IGSF22: variants seen among roughly 807,000 people sequenced by gnomAD.
IGSF22 encodes immunoglobulin superfamily member 22.
A neutral mutation model predicts 127.0 loss-of-function variants in IGSF22; 119 were observed. That is an observed-to-expected ratio of 0.94 (90% CI 0.81 to 1.09). The LOEUF is 1.09. IGSF22 is among the 50% of genes least tolerant of loss of function. IGSF22 has a pLI of 0.00. For synonymous variants in IGSF22, 568 were observed against 664.7 expected (o/e 0.85, Z 2.24); for missense variants, 1,518 against 1,716.6 (o/e 0.88, Z 2.04).
In IGSF22 at chr11:18,719,726, A is replaced by G. The variant is rs781302033; in HGVS notation, c.686T>C (p.Val229Ala). ...CTGCAGGGTACTTACCTCCACCTCTACTTTCTTCTTCATCTCTTTGAGCTT... is the reference window on the plus strand; with the variant it reads ...CTGCAGGGTACTTACCTCCACCTCTGCTTTCTTCTTCATCTCTTTGAGCTT... ...LRKLKEMKKK[V>A]EVEAIRILKP... Residue 229 changes from valine to alanine, a missense_variant, in exon 7 of 23, where the codon GTA becomes GCA. Val to Ala is a moderately conservative substitution (Grantham distance 64). Around this residue, in one of 3 missense-constraint regions of IGSF22, gnomAD observed 1,456 missense variants for 1,644.9 expected, o/e 0.89. Transcript: ENST00000513874. The G allele has an allele frequency of 6.2e-6, 10 of 1,613,732 alleles. No homozygotes were observed. The highest frequency in any genetic ancestry group is 7.6e-6 in the Non-Finnish European group (9 of 1,179,964).
chr11:18,714,759 C>G, intron 11 of IGSF22, 135 bp from the exon 12 acceptor site: 1 of 1,194,988 alleles, frequency 8.4e-7, no homozygotes, highest in Non-Finnish European at 1.1e-6. Flanking sequence ...GATGAGCAGG[C>G]GGCTTGCCAA....
intron 11 of IGSF22, among the ~76,000 whole-genome samples, chr11:18,714,860 T>C (rs2134163973): frequency 6.6e-6 from 1 of 151,638 alleles, no homozygotes; most frequent in East Asian, 2.0e-4. Flanking sequence ...GCTTGGGAAA[T>C]GGTGACCAGG....
Position 18,707,820 on chromosome 11 carries a change from G to C in IGSF22, c.3264C>G (p.Ile1088Met). Residue 1088 changes from isoleucine (I) to methionine (M), a missense_variant, in exon 20 of 23, where the codon ATC becomes ATG. Physicochemically the swap from Ile to Met is conservative, Grantham distance 10. Around this residue, in one of 3 missense-constraint regions of IGSF22, gnomAD observed 1,456 missense variants for 1,644.9 expected, o/e 0.89. Coordinates refer to ENST00000513874, the MANE Select transcript of IGSF22 (RefSeq NM_173588.4). ...TCTCCATACCTGCCACGCGCACATG[G>C]ATGTCATAGCGTGCTTCTCCAAACT... ...QNEFGEARYD[I>M]HVRVADFPRP... is the part of the protein sequence containing the mutation. 1 of 1,599,028 alleles carries C rather than the reference G, an allele frequency of 6.3e-7. No individual in the cohort carries two copies. Among genetic ancestry groups the C allele is most frequent in the Non-Finnish European group, 8.5e-7 (1 of 1,172,312 alleles).
intron 1 of IGSF22, among the ~76,000 whole-genome samples, chr11:18,725,444 T>C (rs1166392144): frequency 6.7e-6 from 1 of 149,946 alleles, no homozygotes; most frequent in Non-Finnish European, 1.5e-5. Flanking sequence ...GCAGTTTTTT[T>C]GTTTTTGTTT....
At chr11:18,721,792 C>CCT in intron 3 of IGSF22, 118 bp downstream of exon 3, 2 of 1,585,968 alleles carry the variant, frequency 1.3e-6, no homozygotes, top group South Asian at 2.3e-5. Flanking sequence ...GGGGAGGAAC[C>CCT]CTCGGCCAGG....
rs761435351 is a variant in IGSF22 at position 18,714,137 on chromosome 11, T to C, written c.1810A>G (p.Ile604Val). The C allele has an allele frequency of 3.9e-5, 63 of 1,610,828 alleles. No homozygotes were observed. Among genetic ancestry groups the C allele is most frequent in the Non-Finnish European group, 4.9e-5 (58 of 1,177,608 alleles). Residue 604 changes from isoleucine to valine, a missense_variant, in exon 14 of 23, where the codon ATC becomes GTC. By Grantham distance (29) the Ile-to-Val change is conservative. Coordinates refer to ENST00000513874, the MANE Select transcript of IGSF22 (RefSeq NM_173588.4). ...AGTGCCTCCAGTACTGACGGGTCGA[T>C]GGTAGGAGGATCTGTGGGGCGGGGC... ...ASVFIADPPT[I>V]DPSVLEALAA...
rs1356400381 is a variant in IGSF22, at chr11:18,707,115, C to T, written c.3379G>A (p.Glu1127Lys). 2 of 1,551,572 alleles carry T rather than the reference C, an allele frequency of 1.3e-6. No homozygotes were observed. The highest frequency in any genetic ancestry group is 2.4e-5 in the East Asian group (1 of 40,934). Reference sequence around the variant, plus strand: ...CGCTTCATGATGATGTAGTGAGCCTCACCGTCCTCCTGCACATCTGGGCTG... The same window carrying T: ...CGCTTCATGATGATGTAGTGAGCCTTACCGTCCTCCTGCACATCTGGGCTG... Reference protein sequence around the residue: ...NHSPDVQEDGEAHYIIMKRDA... With the variant: ...NHSPDVQEDGKAHYIIMKRDA... The change falls in exon 21 of 23, where the codon GAG becomes AAG. Residue 1127 changes from glutamate to lysine, a missense_variant. Around this residue, in one of 3 missense-constraint regions of IGSF22, gnomAD observed 1,456 missense variants for 1,644.9 expected, o/e 0.89. Transcript: ENST00000513874.
In IGSF22 at chr11:18,720,102, A is replaced by C; in HGVS notation, c.480T>G (p.Gly160=). Reference sequence around the variant, plus strand: ...TCTTTTTGAAGTCCATTTTCTCTTGACCTGAGGATAGACAGAGGGACAGGT... The same window carrying C: ...TCTTTTTGAAGTCCATTTTCTCTTGCCCTGAGGATAGACAGAGGGACAGGT... The part of the protein sequence containing the change: ...IYTVSLLVTE[G]QEKMDFKKML... Residue 160 remains glycine, a splice_region_variant and synonymous_variant, in exon 6 of 23, where the codon GGT becomes GGG. Coordinates refer to ENST00000513874, the MANE Select transcript of IGSF22 (RefSeq NM_173588.4). 6.2e-7 allele frequency: 1 copy of C among 1,614,072 alleles called. No homozygotes were observed.
At chr11:18,721,734 C>T (rs1242841407) in intron 3 of IGSF22, 63 bp from the exon 4 acceptor site, 1 of 1,604,924 alleles carries the variant, frequency 6.2e-7, no homozygotes, top group African/African-American at 1.3e-5. Flanking sequence ...CTGCCACCCT[C>T]TGCCGGCTCT....
rs1564873600 is a variant in IGSF22, at chr11:18,716,877, T to G, written c.1097A>C (p.Glu366Ala). The stretch of plus-strand genomic sequence containing the variant: ...TTCATACTTGTCATCCCTCTTCAGC[T>G]CCTTCCCATTGAACTTCCACACAAA... ...PNFVWKFNGK[E>A]LKRDDKYEIT... The change falls in exon 10 of 23, where the codon GAG becomes GCG. Residue 366 changes from glutamate to alanine, a missense_variant. This residue lies in a region of IGSF22 where 1,456 missense variants were observed against 1,644.9 expected (regional missense o/e 0.89). Coordinates refer to ENST00000513874, the MANE Select transcript of IGSF22 (RefSeq NM_173588.4). This position sits in a 1 kb window ranked among gnomAD's most constrained non-coding sequence, Gnocchi z 4.5. 1 of 1,614,198 alleles carries G rather than the reference T, an allele frequency of 6.2e-7. No homozygotes were observed. Among genetic ancestry groups the G allele is most frequent in the Non-Finnish European group, 8.5e-7 (1 of 1,180,040 alleles).
chr11:18,723,468 ACT>A (rs1457728892), intron 2 of IGSF22, among the ~76,000 whole-genome samples: 2 of 152,062 alleles, frequency 1.3e-5, no homozygotes, highest in Non-Finnish European at 2.9e-5. Flanking sequence ...ACTTTGAGGG[ACT>A]CTATCCCTTT....
intron 12 of IGSF22, 38 bp downstream of exon 12, chr11:18,714,462 T>A (rs1322119921): frequency 6.2e-7 from 1 of 1,614,188 alleles, no homozygotes; most frequent in Admixed American, 1.7e-5. Context: ...AGGCCAGGTC[T>A]ACCTCCTTCA....
At chr11:18,712,790 T>C (rs924867510) in intron 14 of IGSF22, among the ~76,000 whole-genome samples, 1 of 152,208 alleles carries the variant, frequency 6.6e-6, no homozygotes, top group Admixed American at 6.5e-5. Flanking sequence ...ATACTTCATC[T>C]CTGTGTACAC....
Position 18,704,509 on chromosome 11 carries a change from T to C in IGSF22, c.3940A>G (p.Ile1314Val), listed in dbSNP as rs1051077937. ...GATTTCTTCTGCAGACTCTCGGTGA[T>C]GGATGCTACAACTGACTTATCATCT... is the stretch of plus-strand genomic sequence containing the variant. ...DKDDKSVVASITESLQKKSKH... is the reference protein window; with the variant it reads ...DKDDKSVVASVTESLQKKSKH... The change falls in exon 23 of 23, where the codon ATC (isoleucine) becomes GTC (valine). Residue 1314 changes from isoleucine to valine, a missense_variant. Transcript: ENST00000513874. 2 of 1,550,732 alleles carry C rather than the reference T, an allele frequency of 1.3e-6. No individual in the cohort carries two copies. The highest frequency in any genetic ancestry group is 1.7e-6 in the Non-Finnish European group (2 of 1,146,492).
chr11:18,707,350 A>G, intron 20 of IGSF22, 137 bp from the exon 21 acceptor site: 2 of 768,792 alleles, frequency 2.6e-6, no homozygotes, highest in Non-Finnish European at 4.0e-6. Flanking sequence ...TCGGAAAACT[A>G]TTTCTGAAGT....
At chr11:18,718,147 C>T (rs771026689) in intron 8 of IGSF22, 54 bp from the exon 9 acceptor site, 1 of 1,562,138 alleles carries the variant, frequency 6.4e-7, no homozygotes, top group Non-Finnish European at 8.7e-7. Context: ...AGGAAGCTTC[C>T]AGAGGTCTCC....
intron 1 of IGSF22, 103 bp from the exon 2 acceptor site, chr11:18,724,372 G>C (rs1848619805): frequency 1.6e-6 from 1 of 624,400 alleles, no homozygotes; most frequent in Admixed American, 2.6e-5. Flanking sequence ...GAAGCACACA[G>C]GAGAGGGCCA....
Position 18,709,501 on chromosome 11 carries a change from C to T in IGSF22, c.2884G>A (p.Val962Met). 1 of 1,614,238 alleles carries T rather than the reference C, an allele frequency of 6.2e-7. No homozygotes were observed. Among genetic ancestry groups the T allele is most frequent in the South Asian group, 1.1e-5 (1 of 91,084 alleles). The change falls in exon 18 of 23, where the codon GTG (valine) becomes ATG (methionine). Residue 962 changes from valine to methionine, a missense_variant. Physicochemically the swap from Val to Met is conservative, Grantham distance 21. This residue lies in a region of IGSF22 where 1,456 missense variants were observed against 1,644.9 expected (regional missense o/e 0.89). Transcript: ENST00000513874. This position sits in a 1 kb window ranked among gnomAD's most constrained non-coding sequence, Gnocchi z 4.8. ...TTCTGCCTCTCGATGAGTCCTCCCA[C>T]TGTGTAGCAGGTGCCTGAGATGGGG... ...KIPISGTCYT[V>M]GGLIERQKYF...
intron 15 of IGSF22, among the ~76,000 whole-genome samples, chr11:18,711,313 T>C (rs1214938015): frequency 6.6e-6 from 1 of 152,150 alleles, no homozygotes; most frequent in Non-Finnish European, 1.5e-5. Flanking sequence ...TGACCCCCAA[T>C]CCCATCATTC....
Sources: gnomAD v4.1 joint callset for allele counts (sites outside exome capture counted in the v4.1 genomes callset) on GRCh38, gnomAD v4.1.1 for gene constraint, gnomAD v4.1.1 regional missense constraint, Gnocchi (gnomAD v3.1) non-coding constraint, MANE v1.5 for transcripts, NCBI Gene and HGNC (gene_info 2026-07-23, HGNC 2026-07-21) for gene names.